Variants in LRRC40 observed in about 807,000 individuals in gnomAD.
LRRC40 encodes the protein leucine rich repeat containing 40.
Under a neutral mutation model 72.8 loss-of-function variants are expected in LRRC40, and 76 were observed. The ratio of observed to expected loss-of-function variants is 1.04; its 90% CI spans 0.87 to 1.26. The LOEUF is 1.26. LRRC40 is among the 50% of genes most tolerant of loss of function. LRRC40 has a pLI of 0.00. For missense variants in LRRC40, 684 were observed against 698.9 expected (o/e 0.98, Z 0.24); for synonymous variants, 243 against 254.2 (o/e 0.96, Z 0.42).
intron 1 of LRRC40, among the ~76,000 whole-genome samples, chr1:70,204,738 C>T (rs1025668891): frequency 6.6e-6 from 1 of 151,766 alleles, no homozygotes; most frequent in South Asian, 2.1e-4. Flanking sequence ...CTCTTACACA[C>T]ACACACACAC....
chr1:70,155,643 C>A (rs372827975), intron 11 of LRRC40, 46 bp downstream of exon 11: 2 of 868,058 alleles, frequency 2.3e-6, no homozygotes, highest in Non-Finnish European at 1.7e-6. Flanking sequence ...GATGGAAAAA[C>A]AACAGAATGA....
chr1:70,176,286 T>G (rs1018720877), intron 6 of LRRC40, among the ~76,000 whole-genome samples: 1 of 151,820 alleles, frequency 6.6e-6, no homozygotes, highest in Non-Finnish European at 1.5e-5. Context: ...TAATCCCAGC[T>G]CTTTGGGAGG....
chr1:70,196,979 CACATATA>C (rs748722635), intron 1 of LRRC40, among the ~76,000 whole-genome samples: 2 of 152,100 alleles, frequency 1.3e-5, no homozygotes, highest in African/African-American at 2.4e-5. Context: ...GAAAAATATA[CACATATA>C]ACATATATCA....
At chr1:70,150,909 C>T (rs1053914145) in intron 13 of LRRC40, among the ~76,000 whole-genome samples, 7 of 152,134 alleles carry the variant, frequency 4.6e-5, no homozygotes, top group Non-Finnish European at 8.8e-5. Context: ...CCACAGGTTT[C>T]TCAAAATGGT....
chr1:70,160,403 T>C (rs1227497871), intron 9 of LRRC40, among the ~76,000 whole-genome samples: 1 of 152,202 alleles, frequency 6.6e-6, no homozygotes, highest in Non-Finnish European at 1.5e-5. Flanking sequence ...GCAAGTATCA[T>C]ATGAATACTT....
At chr1:70,151,801 C>G (rs776527393) in intron 12 of LRRC40, 6 of 151,264 alleles carry the variant, frequency 4.0e-5, no homozygotes, top group Admixed American at 1.3e-4. Context: ...TTGGAAAGAT[C>G]TGGGAGCAAT....
chr1:70,200,760 T>C (rs540249241), intron 1 of LRRC40, among the ~76,000 whole-genome samples: 68 of 152,302 alleles, frequency 4.5e-4, no homozygotes, highest in African/African-American at 1.5e-3. Context: ...AGTTTCATAT[T>C]TATCTCATAC....
intron 9 of LRRC40, among the ~76,000 whole-genome samples, chr1:70,170,293 T>G (rs1667973481): frequency 6.6e-6 from 1 of 152,150 alleles, no homozygotes. Context: ...ACAGCTAACC[T>G]AATGTTACTT....
chr1:70,182,306 T>C (rs889773298), intron 4 of LRRC40, among the ~76,000 whole-genome samples: 3 of 151,984 alleles, frequency 2.0e-5, no homozygotes, highest in Non-Finnish European at 4.4e-5. Context: ...CATTGGACTC[T>C]GAAACAAAAA....
intron 4 of LRRC40, 53 bp downstream of exon 4, chr1:70,184,732 T>C: frequency 1.3e-6 from 2 of 1,516,774 alleles, no homozygotes. Flanking sequence ...CTCAGCCTGA[T>C]GAAAAATCCC....
intron 1 of LRRC40, among the ~76,000 whole-genome samples, chr1:70,198,086 C>T (rs1051491376): frequency 1.3e-5 from 2 of 152,006 alleles, no homozygotes; most frequent in African/African-American, 4.8e-5. Context: ...TTATTCTGTC[C>T]CAACAAACTA....
intron 4 of LRRC40, 126 bp from the exon 5 acceptor site, chr1:70,181,335 G>A (rs1668242259): frequency 4.1e-6 from 2 of 493,468 alleles, no homozygotes; most frequent in Non-Finnish European, 6.9e-6. Context: ...GATGTGATAA[G>A]TTGTGTAACT....
intron 4 of LRRC40, among the ~76,000 whole-genome samples, chr1:70,182,742 T>C (rs188696073): frequency 1.4e-4 from 22 of 152,108 alleles, no homozygotes; most frequent in Non-Finnish European, 3.1e-4. Flanking sequence ...TGCATTGTGC[T>C]AAGCAGTTTT....
At chr1:70,182,184 A>G (rs1668261645) in intron 4 of LRRC40, among the ~76,000 whole-genome samples, 1 of 151,986 alleles carries the variant, frequency 6.6e-6, no homozygotes, top group South Asian at 2.1e-4. Flanking sequence ...TACAACATAC[A>G]ACATAACATA....
chr1:70,197,593 C>CTTT (rs78897360), intron 1 of LRRC40, among the ~76,000 whole-genome samples: 93 of 137,072 alleles, frequency 6.8e-4, no homozygotes, highest in East Asian at 2.7e-3. Flanking sequence ...CAACCCCCGG[C>CTTT]TTTTTTTTTT....
chr1:70,160,980 T>C (rs559354824), intron 9 of LRRC40, among the ~76,000 whole-genome samples: 7 of 151,554 alleles, frequency 4.6e-5, no homozygotes, highest in Non-Finnish European at 1.0e-4. Flanking sequence ...GAAGATCCTA[T>C]AGGTTTCCAG....
At position 70,151,156 on chromosome 1, in the gene LRRC40, G is replaced by T; in HGVS notation, c.1489C>A (p.Leu497Met). 1 of 1,586,358 alleles carries T rather than the reference G, an allele frequency of 6.3e-7. No homozygotes were observed. The highest frequency in any genetic ancestry group is 8.6e-7 in the Non-Finnish European group (1 of 1,156,574). Residue 497 changes from leucine to methionine, a missense_variant, in exon 13 of 15, where the codon CTG becomes ATG. Coordinates refer to ENST00000370952, the MANE Select transcript of LRRC40 (RefSeq NM_017768.5). Reference protein sequence around the residue: ...LPEEMESLVRLQTINLSFNRF... With the variant: ...LPEEMESLVRMQTINLSFNRF... ...TTAAAGGAAAGATTGATCGTTTGCA[G>T]TCTTACCAGTGATTCCATTTCTTCT...
chr1:70,193,158 T>C (rs1475780154), intron 1 of LRRC40, among the ~76,000 whole-genome samples: 2 of 150,424 alleles, frequency 1.3e-5, no homozygotes, highest in African/African-American at 4.9e-5. Flanking sequence ...AAATAAAAGG[T>C]GGAAATCAAT....
intron 6 of LRRC40, 108 bp from the exon 7 acceptor site, chr1:70,176,090 G>GA (rs1455453204): frequency 7.3e-6 from 4 of 550,986 alleles, no homozygotes; most frequent in Non-Finnish European, 1.2e-5. Flanking sequence ...AAAACACATA[G>GA]AAAAAATGCA....
Sources: gnomAD v4.1 joint callset for allele counts (sites outside exome capture counted in the v4.1 genomes callset) on GRCh38, gnomAD v4.1.1 for gene constraint, MANE v1.5 for transcripts, NCBI Gene and HGNC (gene_info 2026-07-23, HGNC 2026-07-21) for gene names.